The following GRIK4 variants were observed in gnomAD, a reference collection of about 807,000 sequenced individuals.
GRIK4 encodes the protein glutamate receptor ionotropic, kainate 4.
A neutral mutation model predicts 104.9 loss-of-function variants in GRIK4; 40 were observed. The ratio of observed to expected loss-of-function variants is 0.38; its 90% CI spans 0.30 to 0.50. The LOEUF is 0.50. Among genes scored for constraint, GRIK4 ranks in the 20% least tolerant of loss-of-function variants. GRIK4 has a pLI of 0.93. For synonymous variants in GRIK4, 485 were observed against 524.9 expected (o/e 0.92, Z 1.04); for missense variants, 1,047 against 1,308.1 (o/e 0.80, Z 3.08).
rs1477522181 is a variant in GRIK4, at chr11:120,988,648, C to T, written c.*2388C>T. 6.6e-6 allele frequency: 1 copy of T among 152,210 alleles called. No individual in the cohort carries two copies. Among genetic ancestry groups the T allele is most frequent in the African/African-American group, 2.4e-5 (1 of 41,444 alleles). The allele number at this position is 152,210 out of a possible 1,614,324, so 9.4% of individuals were successfully genotyped here. ...GAATTTGCAACCAGCTAATACTCTT[C>T]CTTGGTTTGTTTCCACTTTTTATCT... On this transcript the variant is annotated 3_prime_UTR_variant, in exon 21 of 21. Coordinates refer to ENST00000527524, the MANE Select transcript of GRIK4 (RefSeq NM_014619.5).
At chr11:120,702,036 A>G (rs933591405) in intron 3 of GRIK4, among the ~76,000 whole-genome samples, 4 of 147,830 alleles carry the variant, frequency 2.7e-5, no homozygotes, top group African/African-American at 1.0e-4. Context: ...GCTCACTGCA[A>G]TCTCTGCCTC....
chr11:120,685,420 T>G (rs2135296830), intron 3 of GRIK4, among the ~76,000 whole-genome samples: 1 of 152,318 alleles, frequency 6.6e-6, no homozygotes, highest in East Asian at 1.9e-4. Context: ...CTGGGATACC[T>G]CCTGGGTCCG....
chr11:120,898,558 C>A lies in GRIK4; in HGVS notation c.1191C>A (p.Gly397=). ...TCGGCCAGTGGCACGTGGCAGAGGG[C>A]CTCAGCATGGACAGCCACCTCTATG... ...RQIGQWHVAE[G]LSMDSHLYAS... Residue 397 remains glycine (G), a synonymous_variant, in exon 12 of 21, where the codon GGC becomes GGA. Coordinates refer to ENST00000527524, the MANE Select transcript of GRIK4 (RefSeq NM_014619.5). 6.2e-7 allele frequency: 1 copy of A among 1,610,122 alleles called. No individual in the cohort carries two copies. The highest frequency in any genetic ancestry group is 8.5e-7 in the Non-Finnish European group (1 of 1,176,298).
At chr11:120,734,523 G>A (rs3133223) in intron 3 of GRIK4, among the ~76,000 whole-genome samples, 38,261 of 151,968 alleles carry the variant, frequency 0.25, 5,284 homozygotes, top group South Asian at 0.44. Flanking sequence ...AGGTAGTCTG[G>A]TTCAGGTTAA....
At chr11:120,893,756 A>G (rs139819132) in intron 11 of GRIK4, among the ~76,000 whole-genome samples, 2,371 of 152,310 alleles carry the variant, frequency 0.016, 60 homozygotes, top group African/African-American at 0.052. Context: ...TGTTTACACC[A>G]CAGAAATTGG....
chr11:120,848,769 C>A (rs1477146217), intron 8 of GRIK4, among the ~76,000 whole-genome samples: 1 of 152,154 alleles, frequency 6.6e-6, no homozygotes, highest in African/African-American at 2.4e-5. Flanking sequence ...CCAATTAGGT[C>A]TTTATCCCAC....
chr11:120,826,590 A>G (rs1052128433), intron 6 of GRIK4, among the ~76,000 whole-genome samples: 3 of 152,176 alleles, frequency 2.0e-5, no homozygotes, highest in Non-Finnish European at 4.4e-5. Context: ...CACATCCTGA[A>G]ATCAGGAGGC....
chr11:120,667,290 T>TAA (rs1236343748), intron 3 of GRIK4, among the ~76,000 whole-genome samples: 1 of 152,266 alleles, frequency 6.6e-6, no homozygotes, highest in Non-Finnish European at 1.5e-5. Context: ...ATCCTTTGGA[T>TAA]AAGCCAGGTA....
chr11:120,666,703 T>C (rs1260373455), intron 3 of GRIK4, among the ~76,000 whole-genome samples: 1 of 152,182 alleles, frequency 6.6e-6, no homozygotes, highest in African/African-American at 2.4e-5. Flanking sequence ...GGCCTGAGTA[T>C]CTCCAGGTTT....
In GRIK4 at chr11:120,956,977, C is replaced by A; in HGVS notation, c.1874+24C>A. On this transcript the variant is annotated intron_variant, in intron 16 of 20. Transcript: ENST00000527524. The surrounding 1 kb of genome is among the most constrained non-coding windows in gnomAD (Gnocchi z 4.6). ...TGGTAAGGCCCCAGGCAGAGGTGAA[C>A]CAGGCCAGGTGGGGTGGGGACACAA... 1 of 1,563,020 alleles carries A rather than the reference C, an allele frequency of 6.4e-7. No individual in the cohort carries two copies. The highest frequency in any genetic ancestry group is 8.7e-7 in the Non-Finnish European group (1 of 1,152,930).
chr11:120,771,043 A>G (rs1343310061), intron 3 of GRIK4, among the ~76,000 whole-genome samples: 1 of 152,244 alleles, frequency 6.6e-6, no homozygotes, highest in Non-Finnish European at 1.5e-5. Context: ...ACAAATACCT[A>G]AAATGTGGAG....
At chr11:120,705,412 G>T (rs1240193557) in intron 3 of GRIK4, among the ~76,000 whole-genome samples, 1 of 152,026 alleles carries the variant, frequency 6.6e-6, no homozygotes, top group South Asian at 2.1e-4. Flanking sequence ...TTTTAGTAGA[G>T]ACAAGGTTTC....
chr11:120,706,880 T>C (rs1451952844), intron 3 of GRIK4, among the ~76,000 whole-genome samples: 3 of 152,128 alleles, frequency 2.0e-5, no homozygotes, highest in African/African-American at 7.2e-5. Context: ...AAGTACTGTC[T>C]TTATTTGTTA....
intron 1 of GRIK4, among the ~76,000 whole-genome samples, chr11:120,589,835 G>A (rs1189387318): frequency 6.6e-6 from 1 of 152,152 alleles, no homozygotes; most frequent in Non-Finnish European, 1.5e-5. Context: ...GACACACACA[G>A]TCCTGCTTGG....
In GRIK4 at chr11:120,648,937, C is replaced by T. The variant is rs115922517; in HGVS notation, c.-158-4748C>T. Among the ~76,000 whole-genome samples the T allele has an allele frequency of 4.4e-3, 672 of 152,254 alleles. 2 individuals are homozygous for T. Among genetic ancestry groups the T allele is most frequent in the African/African-American group, 0.015 (628 of 41,546 alleles). ...CTTCTCCGACTGGAGTCCTGTATCC[C>T]CTCTCTGGGGGCAGCCAGTCAGCAG... On this transcript the variant is annotated intron_variant, in intron 1 of 20. Transcript: ENST00000527524.
intron 8 of GRIK4, chr11:120,858,244 G>A (rs1211601858): frequency 6.6e-6 from 1 of 152,188 alleles, no homozygotes; most frequent in Non-Finnish European, 1.5e-5. Context: ...GCATTCTTAG[G>A]TAGGGCTCAA....
intron 6 of GRIK4, among the ~76,000 whole-genome samples, chr11:120,824,558 T>C (rs924581742): frequency 5.6e-5 from 8 of 143,760 alleles, no homozygotes; most frequent in East Asian, 2.0e-4. Flanking sequence ...CTTTTCTTTT[T>C]TTTTTTTTTT....
intron 20 of GRIK4, among the ~76,000 whole-genome samples, chr11:120,985,242 G>A (rs1316740260): frequency 6.6e-6 from 1 of 152,178 alleles, no homozygotes; most frequent in Non-Finnish European, 1.5e-5. Context: ...GCTGATGTTT[G>A]TGGCCTTTAT....
intron 1 of GRIK4, among the ~76,000 whole-genome samples, chr11:120,602,815 G>T (rs189497732): frequency 9.9e-4 from 151 of 152,234 alleles, no homozygotes; most frequent in African/African-American, 3.3e-3. Flanking sequence ...CAATCCTCCC[G>T]TCTCAGCCTC....
Sources: gnomAD v4.1 joint callset for allele counts (sites outside exome capture counted in the v4.1 genomes callset) on GRCh38, gnomAD v4.1.1 for gene constraint, Gnocchi (gnomAD v3.1) non-coding constraint, MANE v1.5 for transcripts, NCBI Gene and HGNC (gene_info 2026-07-23, HGNC 2026-07-21) for gene names.